DAG1: variants seen among roughly 807,000 people sequenced by gnomAD.
DAG1 encodes the protein dystroglycan 1 (dystrophin-associated glycoprotein 1).
DAG1 carries 8 observed loss-of-function variants against 46.1 expected under a neutral mutation model. The ratio of observed to expected loss-of-function variants is 0.17; its 90% CI spans 0.10 to 0.31. The LOEUF is 0.31. Ranked by LOEUF, DAG1 falls within the 10% of genes least tolerant of loss-of-function variation. The probability of loss-of-function intolerance (pLI) is 1.00; values close to 1 mark genes in which losing one functional copy is unlikely to be tolerated. For missense variants in DAG1, 1,003 were observed against 1,189.9 expected, an observed-to-expected ratio of 0.84 and a Z score of 2.31; for synonymous variants, 495 against 481.8, an observed-to-expected ratio of 1.03 and a Z score of -0.36.
chr3:49,471,733 G>A (rs565339648), intron 1 of DAG1, among the ~76,000 whole-genome samples: 1 of 152,260 alleles, frequency 6.6e-6, no homozygotes, highest in Non-Finnish European at 1.5e-5. Context: ...TTTGCAAAAT[G>A]CATTTATTCA....
chr3:49,474,514 T>A (rs1387407686), intron 1 of DAG1, among the ~76,000 whole-genome samples: 1 of 151,990 alleles, frequency 6.6e-6, no homozygotes, highest in Non-Finnish European at 1.5e-5. Context: ...CCTGGCTAAT[T>A]TTTGTATTTT....
chr3:49,498,519 A>G (rs1242425632), intron 1 of DAG1, among the ~76,000 whole-genome samples: 1 of 152,098 alleles, frequency 6.6e-6, no homozygotes, highest in African/African-American at 2.4e-5. Context: ...TTAACCTTTC[A>G]GAAACTTTAT....
intron 1 of DAG1, among the ~76,000 whole-genome samples, chr3:49,472,309 G>A (rs1041149553): frequency 6.6e-6 from 1 of 152,112 alleles, no homozygotes; most frequent in Non-Finnish European, 1.5e-5. Context: ...CTGCCATGAT[G>A]GGGGAGGAGC....
intron 1 of DAG1, among the ~76,000 whole-genome samples, chr3:49,478,541 T>TG (rs2049762512): frequency 6.7e-6 from 1 of 148,250 alleles, no homozygotes; most frequent in Non-Finnish European, 1.5e-5. Flanking sequence ...TTTTTTTTTT[T>TG]TTTTTTTTTT....
At chr3:49,504,267 CT>C (rs58084023) in intron 1 of DAG1, among the ~76,000 whole-genome samples, 10 of 148,168 alleles carry the variant, frequency 6.7e-5, no homozygotes, top group African/African-American at 7.4e-5. Flanking sequence ...TTGGGGTTGG[CT>C]TTTTTTTTTC....
intron 2 of DAG1, among the ~76,000 whole-genome samples, chr3:49,520,821 G>A (rs1218500083): frequency 6.6e-6 from 1 of 152,120 alleles, no homozygotes; most frequent in Non-Finnish European, 1.5e-5. Context: ...GAAAGTGCTC[G>A]TACATCTGTC....
intron 1 of DAG1, among the ~76,000 whole-genome samples, chr3:49,478,264 A>G (rs2049744546): frequency 7.7e-6 from 1 of 129,416 alleles, no homozygotes. Flanking sequence ...ATGGAGTGAG[A>G]CTCTGTCTCA....
At chr3:49,490,840 G>A (rs1026256474) in intron 1 of DAG1, among the ~76,000 whole-genome samples, 10 of 149,326 alleles carry the variant, frequency 6.7e-5, no homozygotes, top group Admixed American at 4.0e-4. Flanking sequence ...AAAGTGCTGG[G>A]ATTACAGACA....
In DAG1 at chr3:49,532,661, A is replaced by G; in HGVS notation, c.2150A>G (p.Gln717Arg). 2.5e-6 allele frequency: 4 copies of G among 1,614,120 alleles called. No individual in the cohort carries two copies. The highest frequency in any genetic ancestry group is 3.4e-6 in the Non-Finnish European group (4 of 1,180,006). ...VTGSGSCRHL[Q>R]FIPVVPPRRV... ...GGCTCTGGCAGTTGTCGGCACCTAC[A>G]GTTTATCCCTGTGGTACCACCCAGG... The change falls in exon 3 of 3, where the codon CAG (glutamine) becomes CGG (arginine). Residue 717 changes from glutamine (Q) to arginine (R), a missense_variant. Around this residue, in one of 3 missense-constraint regions of DAG1, gnomAD observed 755 missense variants for 854.1 expected, o/e 0.88. Transcript: ENST00000308775. The surrounding 1 kb of genome is among the most constrained non-coding windows in gnomAD (Gnocchi z 5.4).
intron 1 of DAG1, among the ~76,000 whole-genome samples, chr3:49,499,200 C>CTA (rs2050384377): frequency 6.6e-6 from 1 of 152,116 alleles, no homozygotes. Flanking sequence ...GAAGCAAAAA[C>CTA]TAATAGAGAG....
intron 1 of DAG1, among the ~76,000 whole-genome samples, chr3:49,478,444 A>AT (rs897093539): frequency 1.3e-5 from 2 of 149,870 alleles, no homozygotes; most frequent in African/African-American, 4.9e-5. Context: ...AAAATAAAAA[A>AT]AAAAAAAAAA....
At chr3:49,490,029 T>G (rs1455522289) in intron 1 of DAG1, among the ~76,000 whole-genome samples, 1 of 152,214 alleles carries the variant, frequency 6.6e-6, no homozygotes, top group Non-Finnish European at 1.5e-5. Context: ...GCTTGGACCA[T>G]GACCCGTGTT....
At chr3:49,520,939 A>T (rs1310828379) in intron 2 of DAG1, among the ~76,000 whole-genome samples, 1 of 152,132 alleles carries the variant, frequency 6.6e-6, no homozygotes, top group Non-Finnish European at 1.5e-5. Flanking sequence ...TCATAAGCCA[A>T]TTATAATTAT....
chr3:49,506,740 T>A (rs147375853), intron 1 of DAG1, among the ~76,000 whole-genome samples: 3 of 152,282 alleles, frequency 2.0e-5, no homozygotes, highest in Non-Finnish European at 2.9e-5. Flanking sequence ...TCGTGTCTGT[T>A]TTCATGATAG....
intron 1 of DAG1, among the ~76,000 whole-genome samples, chr3:49,478,257 G>C (rs1277602845): frequency 2.2e-5 from 3 of 139,038 alleles, no homozygotes; most frequent in Non-Finnish European, 3.0e-5. Context: ...CTGGGCGATG[G>C]AGTGAGACTC....
intron 1 of DAG1, among the ~76,000 whole-genome samples, chr3:49,503,020 C>T (rs750450743): frequency 1.5e-4 from 23 of 152,118 alleles, no homozygotes; most frequent in Non-Finnish European, 2.6e-4. Flanking sequence ...TCCATGAAAG[C>T]CTATTGATAT....
At chr3:49,481,415 A>G (rs1306357104) in intron 1 of DAG1, among the ~76,000 whole-genome samples, 1 of 151,490 alleles carries the variant, frequency 6.6e-6, no homozygotes, top group Non-Finnish European at 1.5e-5. Context: ...AAAAAAAAAA[A>G]AGTGAATTGT....
intron 1 of DAG1, among the ~76,000 whole-genome samples, chr3:49,477,631 A>G (rs898408879): frequency 2.0e-5 from 3 of 152,204 alleles, no homozygotes; most frequent in Admixed American, 6.5e-5. Flanking sequence ...GAAAAGCTCT[A>G]TTGGATAATA....
intron 2 of DAG1, among the ~76,000 whole-genome samples, chr3:49,522,358 G>A (rs1457943571): frequency 6.6e-6 from 1 of 152,048 alleles, no homozygotes; most frequent in Admixed American, 6.6e-5. Context: ...GTAGAGATGG[G>A]CTTTCACCAT....
Sources: allele counts gnomAD v4.1 joint callset (sites outside exome capture counted in the v4.1 genomes callset), GRCh38; gene constraint gnomAD v4.1.1; regional missense constraint gnomAD v4.1.1; non-coding constraint Gnocchi (gnomAD v3.1); transcripts MANE v1.5; gene names NCBI Gene and HGNC (gene_info 2026-07-23, HGNC 2026-07-21).